Variants in ASAP1 observed in about 807,000 individuals in gnomAD.
The protein encoded by ASAP1 is ArfGAP with SH3 domain, ankyrin repeat and PH domain 1.
ASAP1 carries 43 observed loss-of-function variants against 145.2 expected under a neutral mutation model. The observed-to-expected ratio is 0.30, with a 90% confidence interval of 0.23 to 0.38. ASAP1 has a LOEUF of 0.38. Among genes scored for constraint, ASAP1 ranks in the 10% least tolerant of loss-of-function variants. The pLI is 1.00. For missense variants in ASAP1, 1,018 were observed against 1,355.3 expected (o/e 0.75, Z 3.91); for synonymous variants, 546 against 515.5 (o/e 1.06, Z -0.80).
chr8:130,198,553 T>G (rs1049917887), intron 5 of ASAP1, among the ~76,000 whole-genome samples: 4 of 152,174 alleles, frequency 2.6e-5, no homozygotes, highest in African/African-American at 9.7e-5. Flanking sequence ...TGTTCTAATC[T>G]AGGCAGAACA....
chr8:130,287,289 T>C (rs529256507), intron 3 of ASAP1, among the ~76,000 whole-genome samples: 3 of 152,268 alleles, frequency 2.0e-5, no homozygotes, highest in African/African-American at 4.8e-5. Flanking sequence ...TGGATGGATG[T>C]TGGGGGATAA....
At chr8:130,382,322 A>T (rs1827818727) in intron 2 of ASAP1, among the ~76,000 whole-genome samples, 1 of 150,684 alleles carries the variant, frequency 6.6e-6, no homozygotes, top group Non-Finnish European at 1.5e-5. Context: ...AATTAAAGAT[A>T]TCACCTTGTT....
At chr8:130,117,069 T>C in intron 20 of ASAP1, 74 bp from the exon 21 acceptor site, 1 of 1,032,422 alleles carries the variant, frequency 9.7e-7, no homozygotes, top group Non-Finnish European at 1.4e-6. Flanking sequence ...CCACTTATTT[T>C]TGTGCTGACA....
intron 3 of ASAP1, among the ~76,000 whole-genome samples, chr8:130,341,887 T>C (rs1172620704): frequency 6.6e-6 from 1 of 152,192 alleles, no homozygotes; most frequent in African/African-American, 2.4e-5. Flanking sequence ...AGGAGACTCT[T>C]GGCATTGTTT....
chr8:130,072,901 G>A (rs1033740702), intron 27 of ASAP1, among the ~76,000 whole-genome samples: 5 of 148,518 alleles, frequency 3.4e-5, no homozygotes, highest in East Asian at 2.0e-4. Flanking sequence ...AGACAGTGTC[G>A]GAACTGAATT....
intron 5 of ASAP1, among the ~76,000 whole-genome samples, chr8:130,211,252 C>G (rs1203458448): frequency 1.3e-5 from 2 of 152,162 alleles, no homozygotes; most frequent in Admixed American, 6.5e-5. Flanking sequence ...GGTATGGGCT[C>G]ACAGAGTAAT....
chr8:130,138,979 T>G (rs375932762), intron 13 of ASAP1, among the ~76,000 whole-genome samples: 1 of 152,204 alleles, frequency 6.6e-6, no homozygotes, highest in Non-Finnish European at 1.5e-5. Context: ...TTTTTGGATG[T>G]TGATAAAATT....
intron 12 of ASAP1, among the ~76,000 whole-genome samples, chr8:130,158,618 T>C (rs1336372077): frequency 6.6e-6 from 1 of 152,112 alleles, no homozygotes; most frequent in Non-Finnish European, 1.5e-5. Flanking sequence ...AGAAGCCTCA[T>C]GTGGCAGGAT....
Position 130,308,340 on chromosome 8 carries a change from A to AG in ASAP1, c.186+49676dup, listed in dbSNP as rs747657399. On this transcript the variant is annotated intron_variant, in intron 3 of 29. Transcript: ENST00000518721. ...ATAAGAAACCTGAATACAGGCAGAC[A>AG]GGGGTGAACTACTCAATATATAAAA... 9.2e-5 allele frequency among the ~76,000 whole-genome samples: 14 copies of AG among 152,368 alleles called. No homozygotes were observed. The East Asian group carries it at 1.5e-3, about 17-fold the overall frequency.
intron 27 of ASAP1, among the ~76,000 whole-genome samples, chr8:130,063,583 A>T (rs1005495844): frequency 6.6e-6 from 1 of 152,072 alleles, no homozygotes; most frequent in Non-Finnish European, 1.5e-5. Flanking sequence ...GAAAGAGAGG[A>T]GACTGGCCTT....
intron 29 of ASAP1, 54 bp downstream of exon 29, chr8:130,057,900 G>A: frequency 1.9e-6 from 3 of 1,601,152 alleles, no homozygotes; most frequent in Non-Finnish European, 2.6e-6. Flanking sequence ...TGTGGTGCCT[G>A]CCCAGGCATG....
chr8:130,383,855 G>A (rs570601111), intron 2 of ASAP1, among the ~76,000 whole-genome samples: 1 of 152,224 alleles, frequency 6.6e-6, no homozygotes, highest in East Asian at 1.9e-4. Flanking sequence ...ATACAGAAGA[G>A]CACCAGCCCA....
At chr8:130,246,431 C>G (rs966348502) in intron 3 of ASAP1, among the ~76,000 whole-genome samples, 41 of 152,098 alleles carry the variant, frequency 2.7e-4, no homozygotes, top group African/African-American at 9.7e-4. Flanking sequence ...GGGAAGGGGC[C>G]TGGTGGGAGG....
intron 1 of ASAP1, among the ~76,000 whole-genome samples, chr8:130,409,401 C>T (rs748730129): frequency 1.3e-5 from 2 of 152,186 alleles, no homozygotes; most frequent in African/African-American, 4.8e-5. Context: ...ACAAGTCCTG[C>T]CTCCCTACCA....
intron 24 of ASAP1, among the ~76,000 whole-genome samples, chr8:130,104,342 G>A (rs1260055353): frequency 6.6e-6 from 1 of 152,182 alleles, no homozygotes; most frequent in Non-Finnish European, 1.5e-5. Flanking sequence ...CTTTGCCCTG[G>A]CATGCTTATA....
intron 2 of ASAP1, among the ~76,000 whole-genome samples, chr8:130,366,755 G>T (rs1253806176): frequency 6.6e-6 from 1 of 152,046 alleles, no homozygotes; most frequent in Non-Finnish European, 1.5e-5. Flanking sequence ...TCTCTCTCAA[G>T]GTTGTGGTAA....
At chr8:130,400,788 C>G (rs1305364564) in intron 2 of ASAP1, among the ~76,000 whole-genome samples, 1 of 113,022 alleles carries the variant, frequency 8.8e-6, no homozygotes. Context: ...CAGACTCCGT[C>G]TCAAAAAAAA....
At chr8:130,426,904 T>C (rs1420888354) in intron 1 of ASAP1, among the ~76,000 whole-genome samples, 3 of 152,226 alleles carry the variant, frequency 2.0e-5, no homozygotes, top group Admixed American at 2.0e-4. Flanking sequence ...CCCACTGGAA[T>C]GTAAAGTCCA....
At position 130,058,025 on chromosome 8, in the gene ASAP1, T is replaced by C; in HGVS notation, c.3244A>G (p.Asn1082Asp). ...VKTIYDCQAD[N>D]DDELTFIEGE... ...TCGATGAATGTGAGCTCGTCATCGT[T>C]GTCTGCCTGGCAGTCATAAATGGTC... is the stretch of plus-strand genomic sequence containing the variant. Residue 1082 changes from asparagine to aspartate, a missense_variant, in exon 29 of 30, where the codon AAC becomes GAC. Around this residue, in one of 9 missense-constraint regions of ASAP1, gnomAD observed 62 missense variants for 97.8 expected, o/e 0.63. Transcript: ENST00000518721. 1 of 1,614,270 alleles carries C rather than the reference T, an allele frequency of 6.2e-7. No homozygotes were observed. Among genetic ancestry groups the C allele is most frequent in the Non-Finnish European group, 8.5e-7 (1 of 1,180,026 alleles).
Sources: allele counts gnomAD v4.1 joint callset (sites outside exome capture counted in the v4.1 genomes callset), GRCh38; gene constraint gnomAD v4.1.1; regional missense constraint gnomAD v4.1.1; transcripts MANE v1.5; gene names NCBI Gene and HGNC (gene_info 2026-07-23, HGNC 2026-07-21).